KALRN: variants seen among roughly 807,000 people sequenced by gnomAD.
KALRN encodes kalirin RhoGEF kinase, also known as kalirin.
In KALRN, 70 loss-of-function variants were observed where a neutral mutation model predicts 353.7. The observed-to-expected ratio is 0.20, with a 90% CI of 0.16 to 0.24. The LOEUF is 0.24. KALRN is among the 10% of genes least tolerant of loss of function. KALRN has a pLI of 1.00. For synonymous variants in KALRN, 1,391 were observed against 1,434.8 expected, an observed-to-expected ratio of 0.97 and a Z score of 0.69; for missense variants, 2,791 against 3,756.7, an observed-to-expected ratio of 0.74 and a Z score of 6.72.
Position 124,430,694 on chromosome 3 carries a change from C to T in KALRN, c.2748C>T (p.Asn916=), listed in dbSNP as rs997627875. 9 of 1,614,058 alleles carry T rather than the reference C, an allele frequency of 5.6e-6. No homozygotes were observed. Among genetic ancestry groups the T allele is most frequent in the Admixed American group, 1.7e-5 (1 of 60,012 alleles). Residue 916 remains asparagine (N), a synonymous_variant, in exon 16 of 60, where the codon AAC becomes AAT. Coordinates refer to ENST00000682506, the MANE Select transcript of KALRN (RefSeq NM_001388419.1). The part of the protein sequence containing the change: ...GWIRNGESML[N]ASLVNASSLS... ...TCCGCAATGGAGAGTCAATGCTCAACGCCAGCCTGGTCAATGCCAGCTCTT... is the reference window on the plus strand; with the variant it reads ...TCCGCAATGGAGAGTCAATGCTCAATGCCAGCCTGGTCAATGCCAGCTCTT...
rs532676201 is a variant in KALRN, at chr3:124,591,287, C to T, written c.5182+28198C>T. ...CTTAATTCAGGTCCCTTTTCCCCGC[C>T]CTTTTTTGTCCTTGTTCTTTCCTTT... is the stretch of plus-strand genomic sequence containing the variant. On this transcript the variant is annotated intron_variant, in intron 34 of 59. Coordinates refer to ENST00000682506, the MANE Select transcript of KALRN (RefSeq NM_001388419.1). Among the ~76,000 whole-genome samples, 29 of 152,246 alleles carry T rather than the reference C, an allele frequency of 1.9e-4. No individual in the cohort carries two copies. In the South Asian group the frequency reaches 3.3e-3, roughly 17 times the overall value.
chr3:124,227,663 GTTTTTTTTTTTTTTTTTTTTTTTTTTT>G (rs747087120), intron 1 of KALRN, among the ~76,000 whole-genome samples: 7 of 69,262 alleles, frequency 1.0e-4, no homozygotes, highest in South Asian at 6.3e-4. Context: ...CAACAGGGCT[GTTTTTTTTTTTTTTTTTTTTTTTTTTT>G]TTTTTTTTTT....
At chr3:124,714,691 G>C (rs774518886) in intron 58 of KALRN, among the ~76,000 whole-genome samples, 1 of 152,172 alleles carries the variant, frequency 6.6e-6, no homozygotes, top group African/African-American at 2.4e-5. Flanking sequence ...TAGTTATAAG[G>C]GTAGTTTATA....
intron 1 of KALRN, among the ~76,000 whole-genome samples, chr3:124,068,295 A>C (rs1290346469): frequency 2.0e-5 from 3 of 152,176 alleles, no homozygotes; most frequent in Non-Finnish European, 4.4e-5. Context: ...GTCAGCCTCT[A>C]CTTGGTGTAA....
At chr3:124,538,290 G>T (rs2068714180) in intron 33 of KALRN, among the ~76,000 whole-genome samples, 1 of 152,086 alleles carries the variant, frequency 6.6e-6, no homozygotes, top group South Asian at 2.1e-4. Flanking sequence ...GTATGTGTGT[G>T]TGAGAGACAG....
rs544991659 is a variant in KALRN, at chr3:124,689,822, T to C, written c.7378-3982T>C. Among the ~76,000 whole-genome samples, 4 of 152,284 alleles carry C rather than the reference T, an allele frequency of 2.6e-5. No individual in the cohort carries two copies. The South Asian group carries it at 8.3e-4, about 32-fold the overall frequency. ...AAAAAAATTTATGACTGATGGTGCA[T>C]AAAACACGGGAAAGGGTTACTACCT... On this transcript the variant is annotated intron_variant, in intron 51 of 59. Coordinates refer to ENST00000682506, the MANE Select transcript of KALRN (RefSeq NM_001388419.1).
At chr3:124,208,209 A>G (rs2076587060) in intron 1 of KALRN, among the ~76,000 whole-genome samples, 2 of 152,218 alleles carry the variant, frequency 1.3e-5, no homozygotes, top group African/African-American at 4.8e-5. Context: ...ATATGTAACT[A>G]GAAGCACAAA....
At chr3:124,499,773 C>A (rs1318759734) in intron 33 of KALRN, among the ~76,000 whole-genome samples, 1 of 152,156 alleles carries the variant, frequency 6.6e-6, no homozygotes, top group Non-Finnish European at 1.5e-5. Context: ...AATTTTAATG[C>A]TCAAATTGTA....
chr3:124,045,640 T>C (rs1036995434), intron 1 of KALRN, among the ~76,000 whole-genome samples: 6 of 151,958 alleles, frequency 3.9e-5, no homozygotes, highest in African/African-American at 1.5e-4. Flanking sequence ...ATTCTTACAC[T>C]CATTTATCGA....
At chr3:124,394,330 A>C (rs1224215215) in intron 11 of KALRN, among the ~76,000 whole-genome samples, 1 of 152,232 alleles carries the variant, frequency 6.6e-6, no homozygotes, top group Non-Finnish European at 1.5e-5. Context: ...TCATTTATGA[A>C]AATTCTCAAA....
intron 10 of KALRN, among the ~76,000 whole-genome samples, chr3:124,355,478 GTGATGAGTT>G (rs1455614616): frequency 1.3e-5 from 2 of 152,126 alleles, no homozygotes; most frequent in African/African-American, 2.4e-5. Flanking sequence ...GAAGGCAGGG[GTGATGAGTT>G]TGATAGTTGA....
intron 51 of KALRN, 68 bp from the exon 52 acceptor site, chr3:124,693,736 G>A: frequency 2.8e-6 from 3 of 1,064,864 alleles, no homozygotes; most frequent in East Asian, 2.4e-5. Flanking sequence ...ACTCAATACG[G>A]TGAAGTCCCT....
In KALRN at chr3:124,188,957, A is replaced by T. The variant is rs183509978; in HGVS notation, c.74-39033A>T. Among the ~76,000 whole-genome samples the T allele has an allele frequency of 7.0e-4, 106 of 152,312 alleles. No homozygotes were observed. In the South Asian group the frequency reaches 0.014, roughly 20 times the overall value. On this transcript the variant is annotated intron_variant, in intron 1 of 59. Coordinates refer to ENST00000682506, the MANE Select transcript of KALRN (RefSeq NM_001388419.1). ...AGGAACTTTGAGCTTAGGAAATTCC[A>T]GTTTTTACAAGAGGCTACAAACAAA... is the stretch of plus-strand genomic sequence containing the variant.
chr3:124,107,557 C>T (rs2149472540), intron 1 of KALRN, among the ~76,000 whole-genome samples: 1 of 152,284 alleles, frequency 6.6e-6, no homozygotes, highest in South Asian at 2.1e-4. Flanking sequence ...CCTCCCTGTC[C>T]TTAACTCCCT....
At chr3:124,713,534 T>C (rs929420537) in intron 58 of KALRN, among the ~76,000 whole-genome samples, 1 of 152,132 alleles carries the variant, frequency 6.6e-6, no homozygotes, top group Admixed American at 6.6e-5. Flanking sequence ...TTCACCACCA[T>C]AGCAACTCCA....
intron 55 of KALRN, 32 bp downstream of exon 55, chr3:124,697,756 C>A (rs747759771): frequency 6.8e-7 from 1 of 1,478,088 alleles, no homozygotes; most frequent in Non-Finnish European, 9.0e-7. Context: ...TTTTTCTTTT[C>A]TCTTCTTTTA....
intron 41 of KALRN, among the ~76,000 whole-genome samples, chr3:124,658,052 G>C (rs776960982): frequency 7.9e-5 from 12 of 152,170 alleles, no homozygotes; most frequent in Admixed American, 3.9e-4. Flanking sequence ...CACTTGGGGG[G>C]GCGGAGGCAG....
intron 3 of KALRN, among the ~76,000 whole-genome samples, chr3:124,264,028 T>C (rs1446573899): frequency 2.6e-5 from 4 of 151,640 alleles, no homozygotes. Flanking sequence ...TCCAAAATGC[T>C]TGGAACCAGA....
chr3:124,597,631 G>A (rs1462340733), intron 34 of KALRN, among the ~76,000 whole-genome samples: 1 of 152,224 alleles, frequency 6.6e-6, no homozygotes, highest in Non-Finnish European at 1.5e-5. Flanking sequence ...GTCCAATCCA[G>A]TAGCCACTGG....
Sources: allele counts gnomAD v4.1 joint callset (sites outside exome capture counted in the v4.1 genomes callset), GRCh38; gene constraint gnomAD v4.1.1; transcripts MANE v1.5; gene names NCBI Gene and HGNC (gene_info 2026-07-23, HGNC 2026-07-21).